The following SLC2A12 variants were observed in gnomAD, a reference collection of about 807,000 sequenced individuals.
SLC2A12 encodes solute carrier family 2, facilitated glucose transporter member 12.
SLC2A12 carries 23 observed loss-of-function variants against 41.8 expected under a neutral mutation model. That is an observed-to-expected ratio of 0.55 (90% CI 0.40 to 0.78). The LOEUF (loss-of-function observed/expected upper bound fraction) is 0.78. SLC2A12 is among the 30% of genes least tolerant of loss of function. The probability of loss-of-function intolerance (pLI) is 0.00; values close to 1 mark genes in which losing one functional copy is unlikely to be tolerated. For missense variants in SLC2A12, 654 were observed against 745.6 expected (o/e 0.88, Z 1.43); for synonymous variants, 295 against 285.9 (o/e 1.03, Z -0.32).
intron 4 of SLC2A12, among the ~76,000 whole-genome samples, chr6:133,995,658 C>T (rs1318070183): frequency 2.0e-5 from 3 of 152,184 alleles, no homozygotes; most frequent in Admixed American, 6.5e-5. Context: ...CGCATGCTTT[C>T]CCAGCCTCCT....
chr6:134,033,162 A>G (rs1777245963), intron 1 of SLC2A12, among the ~76,000 whole-genome samples: 1 of 152,070 alleles, frequency 6.6e-6, no homozygotes, highest in African/African-American at 2.4e-5. Context: ...GGGCACTTCA[A>G]GTAGGGCCTT....
chr6:133,997,085 CAAAAAAAAAAAAAA>C (rs58295985), intron 4 of SLC2A12, among the ~76,000 whole-genome samples: 2 of 70,710 alleles, frequency 2.8e-5, no homozygotes, highest in South Asian at 7.5e-4. Context: ...ACTAAAAATA[CAAAAAAAAAAAAAA>C]AAAAAAAAAA....
At chr6:133,991,576 A>G (rs1776624800) in intron 4 of SLC2A12, among the ~76,000 whole-genome samples, 1 of 152,190 alleles carries the variant, frequency 6.6e-6, no homozygotes, top group Admixed American at 6.6e-5. Flanking sequence ...AGTATTACAT[A>G]CAGAGAACCA....
In SLC2A12 at chr6:134,029,624, C is replaced by A. The variant is rs1196427618; in HGVS notation, c.201G>T (p.Gln67His). ...AGCTCAGGGCTAATAAGGTTTTGATCTGAAGAAGAGCCCCAGAGATGATCC... is the reference window on the plus strand; with the variant it reads ...AGCTCAGGGCTAATAAGGTTTTGATATGAAGAAGAGCCCCAGAGATGATCC... Reference protein sequence around the residue: ...ELGIISGALLQIKTLLALSCH... With the variant: ...ELGIISGALLHIKTLLALSCH... The change falls in exon 2 of 5, where the codon CAG becomes CAT. Residue 67 changes from glutamine (Q) to histidine (H), a missense_variant. Coordinates refer to ENST00000275230, the MANE Select transcript of SLC2A12 (RefSeq NM_145176.3). The A allele has an allele frequency of 2.5e-6, 4 of 1,613,878 alleles. No individual in the cohort carries two copies. In the Admixed American group the frequency reaches 6.7e-5, roughly 27 times the overall value.
chr6:134,014,280 A>G (rs550844772), intron 2 of SLC2A12, among the ~76,000 whole-genome samples: 8 of 152,288 alleles, frequency 5.3e-5, no homozygotes, highest in African/African-American at 1.7e-4. Context: ...ATTAGACAGG[A>G]GGTAGAGCTC....
At chr6:134,008,207 A>G (rs1253779090) in intron 2 of SLC2A12, among the ~76,000 whole-genome samples, 2 of 152,210 alleles carry the variant, frequency 1.3e-5, no homozygotes, top group African/African-American at 4.8e-5. Context: ...CCTATGCCAG[A>G]ATCCAGCAGT....
At chr6:134,032,393 G>A (rs1362568029) in intron 1 of SLC2A12, among the ~76,000 whole-genome samples, 1 of 69,692 alleles carries the variant, frequency 1.4e-5, no homozygotes, top group Non-Finnish European at 3.4e-5. Flanking sequence ...CATTTACCTG[G>A]GTACAGGGAG....
Position 134,052,611 on chromosome 6 carries a change from T to C in SLC2A12, c.-131A>G. 7 of 666,442 alleles carry C rather than the reference T, an allele frequency of 1.1e-5. No homozygotes were observed. In the East Asian group the frequency reaches 1.9e-4, roughly 18 times the overall value. 41.3% of individuals were successfully genotyped at this position (666,442 alleles called of 1,614,324 possible). ...GGGGAAAAACTTCGGGCAAAGCTAA[T>C]GTGATTTGTGACCAACTTTGTTTCT... On this transcript the variant is annotated 5_prime_UTR_variant, in exon 1 of 5. Transcript: ENST00000275230.
Position 133,997,347 on chromosome 6 carries a change from A to G in SLC2A12, c.1700+4650T>C, listed in dbSNP as rs576780295. On this transcript the variant is annotated intron_variant, in intron 4 of 4. Transcript: ENST00000275230. Reference sequence around the variant, plus strand: ...ATGAATCATTTTACCAAAAGGACACATGAACCCATACGTTCATTGCATCAC... The same window carrying G: ...ATGAATCATTTTACCAAAAGGACACGTGAACCCATACGTTCATTGCATCAC... 5.3e-5 allele frequency among the ~76,000 whole-genome samples: 8 copies of G among 152,326 alleles called. No individual in the cohort carries two copies. In the South Asian group the frequency reaches 1.7e-3, roughly 32 times the overall value.
At chr6:134,033,651 C>T (rs1017983369) in intron 1 of SLC2A12, among the ~76,000 whole-genome samples, 4 of 152,062 alleles carry the variant, frequency 2.6e-5, no homozygotes, top group Non-Finnish European at 4.4e-5. Flanking sequence ...CCTGGGGCTG[C>T]GGAGTTAAGG....
At chr6:134,032,449 A>ATATATTT (rs1562201692) in intron 1 of SLC2A12, among the ~76,000 whole-genome samples, 3 of 31,976 alleles carry the variant, frequency 9.4e-5, no homozygotes, top group African/African-American at 4.0e-4. Context: ...TATATATATA[A>ATATATTT]ATATATATAT....
At chr6:134,018,086 C>T (rs771425930) in intron 2 of SLC2A12, among the ~76,000 whole-genome samples, 8 of 150,970 alleles carry the variant, frequency 5.3e-5, no homozygotes, top group Non-Finnish European at 1.0e-4. Flanking sequence ...GGAAAGAAGA[C>T]CACAGCATCG....
chr6:134,049,557 C>T (rs1046181456), intron 1 of SLC2A12, among the ~76,000 whole-genome samples: 1 of 152,228 alleles, frequency 6.6e-6, no homozygotes, highest in African/African-American at 2.4e-5. Context: ...TAATATCTCA[C>T]TTCATTTATA....
At chr6:133,997,759 A>G (rs1464056544) in intron 4 of SLC2A12, among the ~76,000 whole-genome samples, 4 of 152,138 alleles carry the variant, frequency 2.6e-5, no homozygotes, top group Non-Finnish European at 5.9e-5. Context: ...CATGCAGTAA[A>G]CCTTTGTAAC....
chr6:134,020,325 C>T (rs184401671), intron 2 of SLC2A12, among the ~76,000 whole-genome samples: 5 of 152,272 alleles, frequency 3.3e-5, no homozygotes, highest in Admixed American at 2.0e-4. Flanking sequence ...CTTCATACCT[C>T]TATTTACACA....
At chr6:134,036,661 A>G (rs1211600476) in intron 1 of SLC2A12, among the ~76,000 whole-genome samples, 1 of 152,238 alleles carries the variant, frequency 6.6e-6, no homozygotes, top group African/African-American at 2.4e-5. Context: ...ACAACACTCC[A>G]GAATACTGAT....
chr6:134,007,839 G>T (rs1055869713), intron 2 of SLC2A12, among the ~76,000 whole-genome samples: 2 of 152,170 alleles, frequency 1.3e-5, no homozygotes, highest in Admixed American at 1.3e-4. Context: ...TATCAAAGAG[G>T]AAACTGAGGC....
chr6:134,018,677 T>C (rs927920198), intron 2 of SLC2A12, among the ~76,000 whole-genome samples: 9 of 152,234 alleles, frequency 5.9e-5, no homozygotes, highest in Non-Finnish European at 1.0e-4. Context: ...TACCCTCTTT[T>C]ATTTTTCTTT....
In SLC2A12 at chr6:133,989,969, T is replaced by C. The variant is rs150706203; in HGVS notation, c.*1186A>G. ...ATTAGTAATTTAATATGTTATTTGG[T>C]TCAAGATTTGATTGTGGATTTTCTA... On this transcript the variant is annotated 3_prime_UTR_variant, in exon 5 of 5. Transcript: ENST00000275230. 8.3e-3 allele frequency: 1,261 copies of C among 152,398 alleles called. 34 individuals are homozygous for C. The highest frequency in any genetic ancestry group is 0.061 in the Admixed American group (936 of 15,302). 9.4% of individuals were successfully genotyped at this position (152,398 alleles called of 1,614,324 possible).
Sources: allele counts gnomAD v4.1 joint callset (sites outside exome capture counted in the v4.1 genomes callset), GRCh38; gene constraint gnomAD v4.1.1; transcripts MANE v1.5; gene names NCBI Gene and HGNC (gene_info 2026-07-23, HGNC 2026-07-21).